DACH1: variants seen among roughly 807,000 people sequenced by gnomAD.
DACH1 encodes the protein dachshund homolog 1.
Under a neutral mutation model 54.2 loss-of-function variants are expected in DACH1, and 12 were observed. That is an observed-to-expected ratio of 0.22 (90% CI 0.14 to 0.36). The LOEUF is 0.36. Ranked by LOEUF, DACH1 falls within the 10% of genes least tolerant of loss-of-function variation. DACH1 has a pLI of 1.00. For missense variants in DACH1, 805 were observed against 929.8 expected, an observed-to-expected ratio of 0.87 and a Z score of 1.75; for synonymous variants, 386 against 366.2, an observed-to-expected ratio of 1.05 and a Z score of -0.62.
At chr13:71,510,472 T>C (rs1880692328) in intron 6 of DACH1, among the ~76,000 whole-genome samples, 1 of 151,966 alleles carries the variant, frequency 6.6e-6, no homozygotes, top group Admixed American at 6.6e-5. Flanking sequence ...TTAATCTCAG[T>C]CCCATTCTAT....
chr13:71,531,990 C>A (rs1432214968), intron 6 of DACH1, among the ~76,000 whole-genome samples: 2 of 151,792 alleles, frequency 1.3e-5, no homozygotes, highest in Non-Finnish European at 1.5e-5. Context: ...TATACTGTGT[C>A]TTGTGCATAT....
intron 10 of DACH1, among the ~76,000 whole-genome samples, chr13:71,446,624 T>TA (rs1472390777): frequency 2.0e-5 from 3 of 152,222 alleles, no homozygotes; most frequent in Non-Finnish European, 4.4e-5. Context: ...CATTCCACTC[T>TA]ATCACTTTTC....
intron 5 of DACH1, among the ~76,000 whole-genome samples, chr13:71,559,351 T>C (rs1593893753): frequency 1.3e-5 from 2 of 152,312 alleles, no homozygotes; most frequent in South Asian, 2.1e-4. Flanking sequence ...CTTAGAAATG[T>C]ATGCTTTTTA....
At chr13:71,442,292 G>T (rs1874075163) in intron 10 of DACH1, among the ~76,000 whole-genome samples, 1 of 151,998 alleles carries the variant, frequency 6.6e-6, no homozygotes, top group African/African-American at 2.4e-5. Flanking sequence ...AACATACAAA[G>T]TTTGCCTTTC....
At chr13:71,654,389 C>T (rs1305618823) in intron 2 of DACH1, among the ~76,000 whole-genome samples, 1 of 60,362 alleles carries the variant, frequency 1.7e-5, no homozygotes, top group African/African-American at 6.3e-5. Flanking sequence ...GACTCTGTCT[C>T]AAAATAAAAT....
intron 10 of DACH1, chr13:71,464,618 C>A (rs1243537502): frequency 2.2e-6 from 1 of 446,918 alleles, no homozygotes; most frequent in South Asian, 1.6e-5. Context: ...TAGACCCATG[C>A]AAATATTTTA....
chr13:71,546,745 T>C (rs1883491548), intron 6 of DACH1, among the ~76,000 whole-genome samples: 1 of 152,060 alleles, frequency 6.6e-6, no homozygotes. Context: ...CAAAGTGATC[T>C]AGAGAACAAT....
intron 6 of DACH1, among the ~76,000 whole-genome samples, chr13:71,513,129 A>G (rs1468650903): frequency 6.6e-6 from 1 of 151,976 alleles, no homozygotes; most frequent in East Asian, 1.9e-4. Context: ...AATTAGACTC[A>G]TTTGTTATTA....
Position 71,866,686 on chromosome 13 carries a change from G to A in DACH1, c.84C>T (p.Gly28=), listed in dbSNP as rs1874844633. Residue 28 remains glycine, a synonymous_variant, in exon 1 of 11, where the codon GGC becomes GGT. Coordinates refer to ENST00000613252, the MANE Select transcript of DACH1 (RefSeq NM_080759.6). ...PPISTSASSS[G]TTTSTSSATS... is the part of the protein sequence containing the mutation. ...TCGCCGAAGAGGTGGAGGTGGTGGT[G>A]CCAGAGGAGGAAGCAGACGTGGAGA... The A allele has an allele frequency of 1.4e-6, 2 of 1,461,454 alleles. No homozygotes were observed. Among genetic ancestry groups the A allele is most frequent in the Non-Finnish European group, 1.8e-6 (2 of 1,100,778 alleles). The allele number at this position is 1,461,454 out of a possible 1,614,324, so 90.5% of individuals were successfully genotyped here.
chr13:71,848,812 A>G (rs1470332878), intron 1 of DACH1, among the ~76,000 whole-genome samples: 1 of 152,112 alleles, frequency 6.6e-6, no homozygotes, highest in African/African-American at 2.4e-5. Context: ...GGTGTGAGCT[A>G]CCTCACCTGG....
chr13:71,750,920 A>T (rs1448316091), intron 1 of DACH1, among the ~76,000 whole-genome samples: 1 of 152,208 alleles, frequency 6.6e-6, no homozygotes, highest in Non-Finnish European at 1.5e-5. Context: ...TTGAGAAAAG[A>T]TGGCTAAAAA....
chr13:71,517,546 C>G (rs946901874), intron 6 of DACH1, among the ~76,000 whole-genome samples: 4 of 151,752 alleles, frequency 2.6e-5, no homozygotes, highest in Non-Finnish European at 5.9e-5. Flanking sequence ...ACATTTTGGT[C>G]TTTAGAAGCC....
chr13:71,803,430 A>G (rs1157340843), intron 1 of DACH1, among the ~76,000 whole-genome samples: 1 of 152,168 alleles, frequency 6.6e-6, no homozygotes, highest in Admixed American at 6.6e-5. Flanking sequence ...TTTAAAACTT[A>G]TATTTACAAA....
At chr13:71,782,173 G>T (rs1886412490) in intron 1 of DACH1, among the ~76,000 whole-genome samples, 1 of 152,202 alleles carries the variant, frequency 6.6e-6, no homozygotes, top group African/African-American at 2.4e-5. Flanking sequence ...GGGCCTGGTG[G>T]CTGACACTTG....
At chr13:71,603,282 A>T (rs1292527570) in intron 3 of DACH1, among the ~76,000 whole-genome samples, 1 of 152,016 alleles carries the variant, frequency 6.6e-6, no homozygotes, top group Non-Finnish European at 1.5e-5. Context: ...GAAAATACCA[A>T]AATGCTTCTC....
chr13:71,555,397 G>A, intron 6 of DACH1, among the ~76,000 whole-genome samples: 1 of 151,208 alleles, frequency 6.6e-6, no homozygotes, highest in East Asian at 1.9e-4. Context: ...GGGCTGCAGT[G>A]CAGTGGCGCG....
chr13:71,474,815 C>T (rs1317655694), intron 10 of DACH1, among the ~76,000 whole-genome samples: 2 of 152,166 alleles, frequency 1.3e-5, no homozygotes, highest in Admixed American at 6.6e-5. Context: ...TTATGTAGCA[C>T]AGAACTTATA....
chr13:71,865,655 C>T (rs1014849993), intron 1 of DACH1, among the ~76,000 whole-genome samples: 19 of 152,124 alleles, frequency 1.2e-4, no homozygotes, highest in Non-Finnish European at 2.2e-4. Context: ...CTCGGCTTTC[C>T]CACATCCCAC....
At chr13:71,788,591 C>G (rs147481990) in intron 1 of DACH1, among the ~76,000 whole-genome samples, 195 of 152,056 alleles carry the variant, frequency 1.3e-3, no homozygotes, top group Non-Finnish European at 2.1e-3. Context: ...CATACCCCCC[C>G]ACACACACAC....
Sources: gnomAD v4.1 joint callset for allele counts (sites outside exome capture counted in the v4.1 genomes callset) on GRCh38, gnomAD v4.1.1 for gene constraint, MANE v1.5 for transcripts, NCBI Gene and HGNC (gene_info 2026-07-23, HGNC 2026-07-21) for gene names.